The following CDH4 variants were observed in gnomAD, a reference collection of about 807,000 sequenced individuals.
The protein encoded by CDH4 is cadherin-4.
CDH4 carries 33 observed loss-of-function variants against 86.0 expected under a neutral mutation model. The observed-to-expected ratio is 0.38, with a 90% CI of 0.29 to 0.51. The LOEUF is 0.51. CDH4 is among the 20% of genes least tolerant of loss of function. CDH4 has a pLI of 0.86. For synonymous variants in CDH4, 555 were observed against 549.4 expected, an observed-to-expected ratio of 1.01 and a Z score of -0.14; for missense variants, 1,114 against 1,307.4, an observed-to-expected ratio of 0.85 and a Z score of 2.28.
At chr20:61,848,963 C>T (rs1320513810) in intron 5 of CDH4, among the ~76,000 whole-genome samples, 1 of 152,164 alleles carries the variant, frequency 6.6e-6, no homozygotes, top group African/African-American at 2.4e-5. Flanking sequence ...GGAGCAAGCT[C>T]GTGGAGATCA....
At position 61,417,198 on chromosome 20, in the gene CDH4, C is replaced by G. The variant is rs1386581314; in HGVS notation, c.169+162261C>G. Among the ~76,000 whole-genome samples the G allele has an allele frequency of 6.6e-6, 1 of 152,156 alleles. No homozygotes were observed. Among genetic ancestry groups the G allele is most frequent in the East Asian group, 1.9e-4 (1 of 5,176 alleles). On this transcript the variant is annotated intron_variant, in intron 2 of 15. Transcript: ENST00000614565. The surrounding 1 kb of genome is among the most constrained non-coding windows in gnomAD (Gnocchi z 4.0). ...TCTGTTGGGGGCATGCAGTCCTGGT[C>G]TCCAAGAGACTCACTCTTTCTCTCT...
Position 61,755,575 on chromosome 20 carries a change from TACACACCAC to T in CDH4, c.396+11797_396+11805del, listed in dbSNP as rs1160246350. On this transcript the variant is annotated intron_variant, in intron 3 of 15. Transcript: ENST00000614565. ...TGCACACACCCACACACATGCCCCA[TACACACCAC>T]ACACACCACATACACAGTGCATGCT... Among the ~76,000 whole-genome samples the T allele has an allele frequency of 5.7e-5, 7 of 121,810 alleles. No individual in the cohort carries two copies. In the South Asian group the frequency reaches 1.6e-3, roughly 28 times the overall value. The allele number at this position is 121,810 out of a possible 152,430, so 79.9% of individuals were successfully genotyped here. A position where few individuals can be genotyped will look rare whatever the true frequency, so the allele number is the denominator to read the frequency against.
intron 2 of CDH4, among the ~76,000 whole-genome samples, chr20:61,503,781 A>G (rs985993433): frequency 2.6e-5 from 4 of 152,236 alleles, no homozygotes; most frequent in Non-Finnish European, 5.9e-5. Flanking sequence ...CTGTTTATTA[A>G]ACAATTTGTA....
intron 2 of CDH4, among the ~76,000 whole-genome samples, chr20:61,620,230 A>ACAGG (rs990192693): frequency 3.1e-5 from 3 of 97,136 alleles, no homozygotes; most frequent in Non-Finnish European, 4.6e-5. Flanking sequence ...TGGTAGGCAG[A>ACAGG]CAGACAGACA....
intron 2 of CDH4, among the ~76,000 whole-genome samples, chr20:61,280,849 C>T (rs1394348189): frequency 6.6e-6 from 1 of 152,142 alleles, no homozygotes; most frequent in African/African-American, 2.4e-5. Context: ...CACCTCGCTA[C>T]CCTCCCTGTT....
chr20:61,821,129 C>G (rs367556297), intron 4 of CDH4, among the ~76,000 whole-genome samples: 9 of 151,496 alleles, frequency 5.9e-5, no homozygotes, highest in East Asian at 2.0e-4. Flanking sequence ...CTCCACCTCC[C>G]AGATCCCACT....
chr20:61,851,796 G>A (rs1412825727), intron 5 of CDH4, among the ~76,000 whole-genome samples: 5 of 152,066 alleles, frequency 3.3e-5, no homozygotes, highest in South Asian at 2.1e-4. Context: ...CCCCTCCTCC[G>A]AGAGGCCTCC....
At chr20:61,543,864 C>A (rs1188678718) in intron 2 of CDH4, among the ~76,000 whole-genome samples, 1 of 152,238 alleles carries the variant, frequency 6.6e-6, no homozygotes, top group African/African-American at 2.4e-5. Context: ...TGGAATGGAG[C>A]TGGCAGGTGG....
intron 2 of CDH4, among the ~76,000 whole-genome samples, chr20:61,403,662 C>A (rs867197713): frequency 6.6e-6 from 1 of 152,178 alleles, no homozygotes; most frequent in South Asian, 2.1e-4. Flanking sequence ...TCCAGAAGGC[C>A]GTGTGCTCAT....
At position 61,651,572 on chromosome 20, in the gene CDH4, G is replaced by A. The variant is rs1258363030; in HGVS notation, c.170-91991G>A. On this transcript the variant is annotated intron_variant, in intron 2 of 15. Transcript: ENST00000614565. ...TGTGGGTTGGACTCACACCTGCACCGGGACTCTGGCTTCTCCATTTAGTTG... is the reference window on the plus strand; with the variant it reads ...TGTGGGTTGGACTCACACCTGCACCAGGACTCTGGCTTCTCCATTTAGTTG... Among the ~76,000 whole-genome samples the A allele has an allele frequency of 3.3e-5, 5 of 152,150 alleles. No homozygotes were observed. The East Asian group carries it at 9.7e-4, about 29-fold the overall frequency.
At chr20:61,537,402 G>A (rs1175642581) in intron 2 of CDH4, among the ~76,000 whole-genome samples, 1 of 152,160 alleles carries the variant, frequency 6.6e-6, no homozygotes, top group Non-Finnish European at 1.5e-5. Flanking sequence ...CTGACTGACT[G>A]AGCACGTGGC....
chr20:61,686,744 CATATGTGT>C (rs1338301775), intron 2 of CDH4, among the ~76,000 whole-genome samples: 2 of 148,212 alleles, frequency 1.3e-5, no homozygotes, highest in Non-Finnish European at 3.0e-5. Context: ...CGTGTGTGTG[CATATGTGT>C]ATATGTGCGT....
At chr20:61,607,214 A>G (rs1244067702) in intron 2 of CDH4, among the ~76,000 whole-genome samples, 2 of 152,248 alleles carry the variant, frequency 1.3e-5, no homozygotes, top group East Asian at 3.8e-4. Flanking sequence ...CTGCGCACAT[A>G]TAAAGGTGGA....
rs2055221211 is a variant in CDH4 at position 61,938,299 on chromosome 20, A to C, written c.*1356A>C. ...GGGGAAGGAATTGGTTCTGCAGGAC[A>C]GTGAGAGGGTCTGTGTCCCGGCACC... On this transcript the variant is annotated 3_prime_UTR_variant, in exon 16 of 16. Transcript: ENST00000614565. The C allele has an allele frequency of 6.6e-6, 1 of 152,342 alleles. No homozygotes were observed. Among genetic ancestry groups the C allele is most frequent in the South Asian group, 2.1e-4 (1 of 4,836 alleles). The allele number at this position is 152,342 out of a possible 1,614,324, so 9.4% of individuals were successfully genotyped here. A position where few individuals can be genotyped will look rare whatever the true frequency, so the allele number is the denominator to read the frequency against.
intron 2 of CDH4, among the ~76,000 whole-genome samples, chr20:61,729,786 G>C (rs1222324268): frequency 6.6e-6 from 1 of 152,204 alleles, no homozygotes; most frequent in African/African-American, 2.4e-5. Context: ...CAGTGTCCAT[G>C]AGGATGTGAG....
intron 2 of CDH4, among the ~76,000 whole-genome samples, chr20:61,741,898 T>C (rs774193206): frequency 2.0e-5 from 3 of 152,184 alleles, no homozygotes; most frequent in Non-Finnish European, 2.9e-5. Context: ...CAAACCCTCC[T>C]GCTGCTGTCC....
chr20:61,923,368 G>C (rs1395102452), intron 9 of CDH4, 83 bp from the exon 10 acceptor site: 1 of 1,419,230 alleles, frequency 7.0e-7, no homozygotes, highest in Non-Finnish European at 9.8e-7. Flanking sequence ...GAGGGGTGGA[G>C]ACCAACCTTC....
intron 2 of CDH4, among the ~76,000 whole-genome samples, chr20:61,426,804 C>T (rs1600968832): frequency 1.3e-5 from 2 of 152,174 alleles, no homozygotes; most frequent in Non-Finnish European, 2.9e-5. Flanking sequence ...TAGACCTTGT[C>T]TTGGGAGTAG....
chr20:61,789,010 G>A (rs922286662), intron 4 of CDH4, among the ~76,000 whole-genome samples: 25 of 152,118 alleles, frequency 1.6e-4, no homozygotes, highest in African/African-American at 4.6e-4. Flanking sequence ...CTTTGTCCCC[G>A]GGGCCCTAGC....
Sources: allele counts gnomAD v4.1 joint callset (sites outside exome capture counted in the v4.1 genomes callset), GRCh38; gene constraint gnomAD v4.1.1; non-coding constraint Gnocchi (gnomAD v3.1); transcripts MANE v1.5; gene names NCBI Gene and HGNC (gene_info 2026-07-23, HGNC 2026-07-21).